DENND3: variants seen among roughly 807,000 people sequenced by gnomAD.
The protein encoded by DENND3 is DENN domain-containing protein 3.
A neutral mutation model predicts 135.1 loss-of-function variants in DENND3; 88 were observed. That is an observed-to-expected ratio of 0.65 (90% confidence interval 0.55 to 0.78). The LOEUF is 0.78. Ranked by LOEUF, DENND3 falls within the 30% of genes least tolerant of loss-of-function variation. The pLI, the probability that DENND3 is intolerant of heterozygous loss-of-function variation, is 0.00. For missense variants in DENND3, 1,392 were observed against 1,688.4 expected (o/e 0.82, Z 3.08); for synonymous variants, 693 against 712.3 (o/e 0.97, Z 0.43).
At position 141,182,531 on chromosome 8, in the gene DENND3, C is replaced by T. The variant is rs1823278923; in HGVS notation, c.2944+1677C>T. The T allele has an allele frequency of 2.1e-6, 2 of 971,512 alleles. No homozygotes were observed. The allele number at this position is 971,512 out of a possible 1,614,324, so 60.2% of individuals were successfully genotyped here. On this transcript the variant is annotated intron_variant, in intron 17 of 22. Transcript: ENST00000519811. This position sits in a 1 kb window ranked among gnomAD's most constrained non-coding sequence, Gnocchi z 5.9. ...TGGTTTCCCTGAAATGAAACTCACT[C>T]TGAGCTTCCTGTTGTGACGGGCGAG...
Position 141,128,671 on chromosome 8 carries a change from G to T in DENND3, c.-37G>T. 7.7e-7 allele frequency: 1 copy of T among 1,296,408 alleles called. No individual in the cohort carries two copies. The highest frequency in any genetic ancestry group is 9.8e-7 in the Non-Finnish European group (1 of 1,015,724). The allele number at this position is 1,296,408 out of a possible 1,614,324, so 80.3% of individuals were successfully genotyped here. A position where few individuals can be genotyped will look rare whatever the true frequency, so the allele number is the denominator to read the frequency against. On this transcript the variant is annotated 5_prime_UTR_variant, in exon 1 of 23. Coordinates refer to ENST00000519811, the MANE Select transcript of DENND3 (RefSeq NM_001352890.3). The surrounding 1 kb of genome is among the most constrained non-coding windows in gnomAD (Gnocchi z 4.5). The stretch of plus-strand genomic sequence containing the variant: ...CTGCGGGCGACTGCGCGGCTGAGGC[G>T]CCCGAGTGCGGTACTGGCGGCGGGC...
In DENND3 at chr8:141,166,973, G is replaced by T. The variant is rs544912875; in HGVS notation, c.1753+584G>T. Among the ~76,000 whole-genome samples the T allele has an allele frequency of 5.9e-5, 9 of 152,306 alleles. No individual in the cohort carries two copies. The highest frequency in any genetic ancestry group is 5.9e-4 in the Admixed American group (9 of 15,308). The stretch of plus-strand genomic sequence containing the variant: ...TGGGAGAAACTGTCGGGAGGCCGGG[G>T]CCTTGACCCCCAGGGCACCTGCTGC... On this transcript the variant is annotated intron_variant, in intron 12 of 22. Transcript: ENST00000519811. The surrounding 1 kb of genome is among the most constrained non-coding windows in gnomAD (Gnocchi z 4.3).
At position 141,146,290 on chromosome 8, in the gene DENND3, C is replaced by T. The variant is rs1447223892; in HGVS notation, c.735+2031C>T. 6.6e-6 allele frequency among the ~76,000 whole-genome samples: 1 copy of T among 151,852 alleles called. No individual in the cohort carries two copies. Among genetic ancestry groups the T allele is most frequent in the Non-Finnish European group, 1.5e-5 (1 of 67,960 alleles). Reference sequence around the variant, plus strand: ...AACATTTCCCAGGCTGGTTTTTTTTCTGAGAGATGTTATTGGCGATTTCAA... The same window carrying T: ...AACATTTCCCAGGCTGGTTTTTTTTTTGAGAGATGTTATTGGCGATTTCAA... On this transcript the variant is annotated intron_variant, in intron 5 of 22. Coordinates refer to ENST00000519811, the MANE Select transcript of DENND3 (RefSeq NM_001352890.3). This position sits in a 1 kb window ranked among gnomAD's most constrained non-coding sequence, Gnocchi z 4.3.
rs987330143 is a variant in DENND3, at chr8:141,132,151, A to T, written c.102+3342A>T. ...GGTTGTAAACAGGGAGGTCAGCCAC[A>T]TGAAGTAGTTAAAACAGCTAATGGA... On this transcript the variant is annotated intron_variant, in intron 1 of 22. Transcript: ENST00000519811. 2.6e-5 allele frequency among the ~76,000 whole-genome samples: 4 copies of T among 152,344 alleles called. No homozygotes were observed. In the East Asian group the frequency reaches 5.8e-4, roughly 22 times the overall value.
intron 14 of DENND3, chr8:141,176,100 A>G (rs566001031): frequency 1.2e-3 from 221 of 178,154 alleles, no homozygotes; most frequent in African/African-American, 4.7e-3. Flanking sequence ...CATAGAAGCC[A>G]GAAAGGCAGT....
chr8:141,178,432 T>C (rs376886531), intron 16 of DENND3, among the ~76,000 whole-genome samples: 40 of 152,372 alleles, frequency 2.6e-4, no homozygotes, highest in African/African-American at 9.6e-4. Context: ...GTCGTTTTAA[T>C]GTCTGGATAG....
rs773703731 is a variant in DENND3, at chr8:141,138,022, G to T, written c.386G>T (p.Gly129Val). The T allele has an allele frequency of 1.3e-6, 2 of 1,595,348 alleles. No homozygotes were observed. Among genetic ancestry groups the T allele is most frequent in the Non-Finnish European group, 1.7e-6 (2 of 1,169,864 alleles). ...LLTLPQLCFP[G>V]GVCVATEPKE... ...CTTCTCTGTCTCTTTCTGCCTGCAG[G>T]GGGTGTGTGCGTGGCCACTGAACCT... The change falls in exon 3 of 23, where the codon GGG becomes GTG. Residue 129 changes from glycine (G) to valine (V), a missense_variant and splice_region_variant. Gly to Val is a moderately radical substitution (Grantham distance 109). Coordinates refer to ENST00000519811, the MANE Select transcript of DENND3 (RefSeq NM_001352890.3). The surrounding 1 kb of genome is among the most constrained non-coding windows in gnomAD (Gnocchi z 4.8).
rs1435418060 is a variant in DENND3 at position 141,128,820 on chromosome 8, G to A, written c.102+11G>A. On this transcript the variant is annotated intron_variant, in intron 1 of 22. Coordinates refer to ENST00000519811, the MANE Select transcript of DENND3 (RefSeq NM_001352890.3). This position sits in a 1 kb window ranked among gnomAD's most constrained non-coding sequence, Gnocchi z 4.5. ...CGAAGTCTCGAGCAGGTGAGGGGCG[G>A]GGAAACTGAGGCGGACGTGGGCCAC... 2 of 1,393,060 alleles carry A rather than the reference G, an allele frequency of 1.4e-6. No homozygotes were observed. The highest frequency in any genetic ancestry group is 2.9e-5 in the Admixed American group (1 of 34,716). The allele number at this position is 1,393,060 out of a possible 1,614,324, so 86.3% of individuals were successfully genotyped here.
intron 22 of DENND3, chr8:141,193,692 A>G (rs1936106739): frequency 2.9e-6 from 1 of 347,592 alleles, no homozygotes; most frequent in Admixed American, 4.0e-5. Context: ...ATACAAGGTG[A>G]TATTTCAGTA....
intron 4 of DENND3, chr8:141,142,156 C>T: frequency 3.0e-6 from 1 of 338,914 alleles, no homozygotes; most frequent in Non-Finnish European, 5.8e-6. Context: ...AGTGGGCTCT[C>T]ATTATCAAAG....
At chr8:141,129,813 T>C (rs1305124411) in intron 1 of DENND3, 1 of 152,290 alleles carries the variant, frequency 6.6e-6, no homozygotes, top group African/African-American at 2.4e-5. Flanking sequence ...TTCCTGCAAG[T>C]AACCAGATGA....
intron 5 of DENND3, among the ~76,000 whole-genome samples, chr8:141,145,824 TATATATATATATATATATA>T (rs1569555450): frequency 1.8e-3 from 71 of 40,384 alleles, no homozygotes; most frequent in African/African-American, 6.5e-3. Context: ...TATATATATA[TATATATATATATATATATA>T]TATATATGTA....
chr8:141,171,809 GCA>G (rs1429173514), intron 13 of DENND3, among the ~76,000 whole-genome samples: 1 of 151,896 alleles, frequency 6.6e-6, no homozygotes, highest in Non-Finnish European at 1.5e-5. Flanking sequence ...TGCTGGGCGT[GCA>G]CAGTGGCCGT....
chr8:141,162,463 T>G (rs1353140653), intron 9 of DENND3, among the ~76,000 whole-genome samples: 1 of 152,162 alleles, frequency 6.6e-6, no homozygotes, highest in Non-Finnish European at 1.5e-5. Context: ...TGATTACATA[T>G]GATAAAACTT....
chr8:141,139,336 C>A lies in DENND3; in HGVS notation c.501+1199C>A, dbSNP rs984071700. Among the ~76,000 whole-genome samples, 1 of 152,168 alleles carries A rather than the reference C, an allele frequency of 6.6e-6. No homozygotes were observed. The highest frequency in any genetic ancestry group is 2.4e-5 in the African/African-American group (1 of 41,434). ...AAGCTCATGGGGCAGCACAGACAGG[C>A]CCGGATGTTCTTAATGAATATGCAG... On this transcript the variant is annotated intron_variant, in intron 3 of 22. Transcript: ENST00000519811. This position sits in a 1 kb window ranked among gnomAD's most constrained non-coding sequence, Gnocchi z 4.2.
At chr8:141,155,494 C>T (rs1468465653) in intron 7 of DENND3, among the ~76,000 whole-genome samples, 2 of 151,240 alleles carry the variant, frequency 1.3e-5, no homozygotes, top group South Asian at 2.1e-4. Context: ...GCCTCAACCT[C>T]CTGGGCTCAA....
At chr8:141,152,661 C>G (rs1396156405) in intron 7 of DENND3, among the ~76,000 whole-genome samples, 1 of 152,182 alleles carries the variant, frequency 6.6e-6, no homozygotes, top group Admixed American at 6.5e-5. Context: ...TCACACTGTT[C>G]AGTGATGACC....
At chr8:141,145,841 A>ATTTTTTTTTTTTTTTTTTTTTT (rs1569555482) in intron 5 of DENND3, among the ~76,000 whole-genome samples, 1 of 31,388 alleles carries the variant, frequency 3.2e-5, no homozygotes, top group African/African-American at 2.6e-4. Flanking sequence ...ATATATATAT[A>ATTTTTTTTTTTTTTTTTTTTTT]TATATATATG....
At chr8:141,178,501 C>T (rs1822683696) in intron 16 of DENND3, among the ~76,000 whole-genome samples, 1 of 152,138 alleles carries the variant, frequency 6.6e-6, no homozygotes, top group Admixed American at 6.5e-5. Flanking sequence ...AACAGCCTTT[C>T]CTCTGGCTGG....
Sources: gnomAD v4.1 joint callset for allele counts (sites outside exome capture counted in the v4.1 genomes callset) on GRCh38, gnomAD v4.1.1 for gene constraint, Gnocchi (gnomAD v3.1) non-coding constraint, MANE v1.5 for transcripts, NCBI Gene and HGNC (gene_info 2026-07-23, HGNC 2026-07-21) for gene names.